The following GALNTL6 variants were observed in gnomAD, a reference collection of about 807,000 sequenced individuals.
GALNTL6 encodes the protein polypeptide N-acetylgalactosaminyltransferase-like 6.
In GALNTL6, 46 loss-of-function variants were observed where a neutral mutation model predicts 73.7. The ratio of observed to expected loss-of-function variants is 0.62; its 90% CI spans 0.49 to 0.80. The LOEUF is 0.80. Among genes scored for constraint, GALNTL6 ranks in the 30% least tolerant of loss-of-function variants. The probability of loss-of-function intolerance (pLI) is 0.00; values close to 1 mark genes in which losing one functional copy is unlikely to be tolerated. For missense variants in GALNTL6, 604 were observed against 755.0 expected, an observed-to-expected ratio of 0.80 and a Z score of 2.34; for synonymous variants, 259 against 263.7, an observed-to-expected ratio of 0.98 and a Z score of 0.17.
intron 2 of GALNTL6, among the ~76,000 whole-genome samples, chr4:171,912,435 G>T (rs1737502212): frequency 6.6e-6 from 1 of 152,096 alleles, no homozygotes; most frequent in Admixed American, 6.6e-5. Context: ...ATATACAATA[G>T]TTGTACATAT....
intron 2 of GALNTL6, among the ~76,000 whole-genome samples, chr4:172,128,271 T>A (rs184964910): frequency 6.6e-6 from 1 of 152,284 alleles, no homozygotes; most frequent in Non-Finnish European, 1.5e-5. Flanking sequence ...CTATATTTTT[T>A]AATATGAGCA....
At chr4:172,345,134 AAATT>A (rs1043671955) in intron 4 of GALNTL6, among the ~76,000 whole-genome samples, 1 of 151,768 alleles carries the variant, frequency 6.6e-6, no homozygotes, top group African/African-American at 2.4e-5. Flanking sequence ...CTCTGTGAGA[AAATT>A]AATCTTATAG....
At chr4:172,336,086 C>A (rs1022610176) in intron 4 of GALNTL6, among the ~76,000 whole-genome samples, 1 of 152,022 alleles carries the variant, frequency 6.6e-6, no homozygotes, top group African/African-American at 2.4e-5. Context: ...GCCTTTAGTG[C>A]TATGAACTTT....
chr4:172,075,572 C>T (rs756728922), intron 2 of GALNTL6, among the ~76,000 whole-genome samples: 7 of 152,000 alleles, frequency 4.6e-5, no homozygotes, highest in Admixed American at 6.6e-5. Context: ...CCTGACCTCG[C>T]GATCTGCCCG....
At chr4:172,316,018 G>T (rs1306677921) in intron 4 of GALNTL6, among the ~76,000 whole-genome samples, 1 of 152,088 alleles carries the variant, frequency 6.6e-6, no homozygotes, top group Non-Finnish European at 1.5e-5. Flanking sequence ...TGATAAATTT[G>T]TGCATGAATA....
chr4:172,819,444 A>G (rs565695083), intron 7 of GALNTL6, among the ~76,000 whole-genome samples: 1 of 152,342 alleles, frequency 6.6e-6, no homozygotes, highest in East Asian at 1.9e-4. Context: ...AAAACCATAG[A>G]GACAATTCAA....
chr4:172,957,435 C>A (rs1749802779), intron 10 of GALNTL6, among the ~76,000 whole-genome samples: 1 of 152,064 alleles, frequency 6.6e-6, no homozygotes, highest in Non-Finnish European at 1.5e-5. Flanking sequence ...TTCAGCAGGG[C>A]AGCGGGGCAG....
chr4:172,812,077 G>A (rs1031027276), intron 6 of GALNTL6, among the ~76,000 whole-genome samples: 5 of 152,068 alleles, frequency 3.3e-5, no homozygotes, highest in Admixed American at 2.6e-4. Context: ...CAGATGGAAG[G>A]ATGGATGGAT....
chr4:172,938,964 T>A (rs969687794), intron 9 of GALNTL6, among the ~76,000 whole-genome samples: 3 of 152,202 alleles, frequency 2.0e-5, no homozygotes, highest in Non-Finnish European at 4.4e-5. Context: ...ATTCACATAC[T>A]GCAATTATAT....
At chr4:172,104,155 G>T (rs188378604) in intron 2 of GALNTL6, among the ~76,000 whole-genome samples, 35 of 152,136 alleles carry the variant, frequency 2.3e-4, no homozygotes, top group Non-Finnish European at 3.4e-4. Context: ...CCTGTTACCA[G>T]GATTGTCTCG....
intron 2 of GALNTL6, among the ~76,000 whole-genome samples, chr4:172,153,726 A>G (rs903739416): frequency 1.3e-5 from 2 of 152,232 alleles, no homozygotes; most frequent in African/African-American, 2.4e-5. Flanking sequence ...GAATTTAATC[A>G]TCTTGTACAA....
intron 10 of GALNTL6, among the ~76,000 whole-genome samples, chr4:172,953,253 T>A (rs181490708): frequency 6.6e-6 from 1 of 152,348 alleles, no homozygotes; most frequent in East Asian, 1.9e-4. Context: ...TTCCATTCAA[T>A]ACTGTTGCTA....
Position 172,823,578 on chromosome 4 carries a change from G to T in GALNTL6, c.923+9855G>T, listed in dbSNP as rs563033273. On this transcript the variant is annotated intron_variant, in intron 7 of 12. Coordinates refer to ENST00000506823, the MANE Select transcript of GALNTL6 (RefSeq NM_001034845.3). ...AGTTTTTCAGAAAAGGATGCTAGCTGCAGAGAATGTTGTGGCAGGACTGAG... is the reference window on the plus strand; with the variant it reads ...AGTTTTTCAGAAAAGGATGCTAGCTTCAGAGAATGTTGTGGCAGGACTGAG... Among the ~76,000 whole-genome samples, 7 of 152,336 alleles carry T rather than the reference G, an allele frequency of 4.6e-5. No individual in the cohort carries two copies. The South Asian group carries it at 1.4e-3, about 32-fold the overall frequency.
At chr4:171,867,310 T>C (rs901364082) in intron 2 of GALNTL6, among the ~76,000 whole-genome samples, 5 of 152,134 alleles carry the variant, frequency 3.3e-5, no homozygotes, top group Admixed American at 6.5e-5. Flanking sequence ...GCCCTAAAGG[T>C]CATCTTGTAT....
At chr4:172,335,989 G>A (rs991948847) in intron 4 of GALNTL6, among the ~76,000 whole-genome samples, 5 of 151,824 alleles carry the variant, frequency 3.3e-5, no homozygotes, top group African/African-American at 9.7e-5. Flanking sequence ...CTTGCTTCAC[G>A]GTTATTTTGT....
At chr4:172,284,401 A>C (rs967944820) in intron 3 of GALNTL6, among the ~76,000 whole-genome samples, 10 of 148,638 alleles carry the variant, frequency 6.7e-5, no homozygotes, top group Non-Finnish European at 1.3e-4. Context: ...TCCACCCCCC[A>C]CACACACCAT....
At chr4:172,757,808 A>T (rs1017558591) in intron 5 of GALNTL6, among the ~76,000 whole-genome samples, 6 of 152,190 alleles carry the variant, frequency 3.9e-5, no homozygotes, top group Non-Finnish European at 8.8e-5. Flanking sequence ...GTTACGTCCC[A>T]TGTGTTTTTT....
At chr4:172,934,147 C>T (rs2111327594) in intron 9 of GALNTL6, among the ~76,000 whole-genome samples, 1 of 152,218 alleles carries the variant, frequency 6.6e-6, no homozygotes, top group South Asian at 2.1e-4. Flanking sequence ...TTAAATGTAT[C>T]GTAAGGACAT....
chr4:172,265,784 A>G (rs1302957074), intron 3 of GALNTL6, among the ~76,000 whole-genome samples: 3 of 152,094 alleles, frequency 2.0e-5, no homozygotes, highest in Admixed American at 1.3e-4. Flanking sequence ...TTTATAAAGA[A>G]CAACTATTAT....
Sources: allele counts gnomAD v4.1 joint callset (sites outside exome capture counted in the v4.1 genomes callset), GRCh38; gene constraint gnomAD v4.1.1; transcripts MANE v1.5; gene names NCBI Gene and HGNC (gene_info 2026-07-23, HGNC 2026-07-21).